Variants in MOSPD2 observed in about 807,000 individuals in gnomAD.
The protein encoded by MOSPD2 is motile sperm domain containing 2, also known as motile sperm domain-containing protein 2.
A neutral mutation model predicts 41.7 loss-of-function variants in MOSPD2; 5 were observed. The ratio of observed to expected loss-of-function variants is 0.12; its 90% CI spans 0.06 to 0.25. The LOEUF is 0.25. Ranked by LOEUF, MOSPD2 falls within the 10% of genes least tolerant of loss-of-function variation. MOSPD2 has a pLI of 1.00. For missense variants in MOSPD2, 282 were observed against 375.2 expected (o/e 0.75, Z 2.05); for synonymous variants, 115 against 126.9 (o/e 0.91, Z 0.63).
intron 5 of MOSPD2, among the ~76,000 whole-genome samples, chrX:14,899,133 T>TTTTTTTTTTTTTTTTTTTTTTTGA: frequency 9.5e-6 from 1 of 105,445 alleles, no homozygotes; most frequent in Non-Finnish European, 2.0e-5. Context: ...AAGTCTTTCA[T>TTTTTTTTTTTTTTTTTTTTTTTGA]GGGTCCTCAA....
chrX:14,913,057 A>G (rs970549689), intron 10 of MOSPD2, among the ~76,000 whole-genome samples: 1 of 112,143 alleles, frequency 8.9e-6, no homozygotes, highest in Non-Finnish European at 1.9e-5. Flanking sequence ...TGATAGTATT[A>G]GCTTGTTTAC....
Position 14,895,406 on chromosome X carries a change from T to G in MOSPD2, c.322+12T>G. ...AGGTAACAAATTGTGTAAGTATATT[T>G]AATTTATGTTCTGGCTTTTCAAGAT... On this transcript the variant is annotated intron_variant, in intron 4 of 14. Transcript: ENST00000380492. 1 of 946,521 alleles carries G rather than the reference T, an allele frequency of 1.1e-6. No individual in the cohort carries two copies. 78.0% of individuals were successfully genotyped at this position (946,521 alleles called of 1,213,427 possible).
rs748533928 is a variant in MOSPD2 at position 14,886,745 on chromosome X, C to T, written c.80-5978C>T. 3.9e-4 allele frequency among the ~76,000 whole-genome samples: 44 copies of T among 111,617 alleles called. No individual in the cohort carries two copies. In the East Asian group the frequency reaches 0.011, roughly 27 times the overall value. On this transcript the variant is annotated intron_variant, in intron 2 of 14. Coordinates refer to ENST00000380492, the MANE Select transcript of MOSPD2 (RefSeq NM_152581.4). ...GTATGTAGGAACTGGTTACAAATAC[C>T]AATTGTCAGATCCCACCCAGAATTA...
intron 2 of MOSPD2, among the ~76,000 whole-genome samples, chrX:14,889,381 T>TA (rs1342236716): frequency 8.9e-6 from 1 of 112,047 alleles, no homozygotes; most frequent in Non-Finnish European, 1.9e-5. Flanking sequence ...AAAGCACAAT[T>TA]ATTTATCACC....
At chrX:14,913,396 C>T (rs944894952) in intron 10 of MOSPD2, among the ~76,000 whole-genome samples, 1 of 111,621 alleles carries the variant, frequency 9.0e-6, no homozygotes, top group Non-Finnish European at 1.9e-5. Flanking sequence ...TCCTCCCTTC[C>T]TCCGCCCCCG....
At chrX:14,879,422 T>C (rs1051786195) in intron 2 of MOSPD2, among the ~76,000 whole-genome samples, 2 of 111,695 alleles carry the variant, frequency 1.8e-5, no homozygotes, top group African/African-American at 3.3e-5. Context: ...CTCACAAGCG[T>C]ATGGTGGCAT....
At chrX:14,876,930 AGGT>A (rs889933047) in intron 2 of MOSPD2, among the ~76,000 whole-genome samples, 12 of 112,402 alleles carry the variant, frequency 1.1e-4, no homozygotes, top group Non-Finnish European at 1.9e-4. Flanking sequence ...TTCATTAAAA[AGGT>A]GGTGTTTCTC....
At chrX:14,894,130 T>G (rs1320344927) in intron 3 of MOSPD2, among the ~76,000 whole-genome samples, 1 of 110,440 alleles carries the variant, frequency 9.1e-6, no homozygotes, top group Non-Finnish European at 1.9e-5. Context: ...TCTCTTTTCT[T>G]TCTTTCTTTA....
At position 14,920,183 on chromosome X, in the gene MOSPD2, A is replaced by C. The variant is rs2092607120; in HGVS notation, c.*374A>C. 22 of 756,357 alleles carry C rather than the reference A, an allele frequency of 2.9e-5. No homozygotes were observed. Among genetic ancestry groups the C allele is most frequent in the Non-Finnish European group, 3.4e-5 (22 of 640,225 alleles). 62.3% of individuals were successfully genotyped at this position (756,357 alleles called of 1,213,427 possible). ...GTAACATGCTTTGTTGCAGCCAAAA[A>C]ATGTAATCTGCTTTTTTATGACAGA... On this transcript the variant is annotated 3_prime_UTR_variant, in exon 15 of 15. Transcript: ENST00000380492.
At chrX:14,911,463 C>G (rs2092591636) in intron 9 of MOSPD2, 50 bp downstream of exon 9, 1 of 909,199 alleles carries the variant, frequency 1.1e-6, no homozygotes, top group South Asian at 2.6e-5. Flanking sequence ...GGTCTATCCC[C>G]AATTCTGACA....
At chrX:14,912,512 C>T (rs1157043419) in intron 10 of MOSPD2, 151 bp downstream of exon 10, 2 of 359,267 alleles carry the variant, frequency 5.6e-6, no homozygotes, top group Non-Finnish European at 9.6e-6. Flanking sequence ...GGTTTCCAGA[C>T]GTAGTGCATA....
intron 2 of MOSPD2, among the ~76,000 whole-genome samples, chrX:14,889,871 G>A (rs1438265785): frequency 9.0e-6 from 1 of 111,276 alleles, no homozygotes; most frequent in African/African-American, 3.3e-5. Flanking sequence ...TACTAGCAGT[G>A]GTGGTAAAAA....
chrX:14,914,742 C>G (rs900879187), intron 11 of MOSPD2, 143 bp downstream of exon 11: 14 of 397,072 alleles, frequency 3.5e-5, no homozygotes, highest in Non-Finnish European at 5.6e-5. Context: ...GTTGTACTAC[C>G]TTCTGGTTCT....
chrX:14,875,182 T>C (rs2092517717), intron 2 of MOSPD2, among the ~76,000 whole-genome samples: 1 of 112,405 alleles, frequency 8.9e-6, no homozygotes, highest in African/African-American at 3.2e-5. Context: ...AAATCCCTGA[T>C]GTTATTGGCT....
At chrX:14,912,136 C>A (rs2092592851) in intron 9 of MOSPD2, 113 bp from the exon 10 acceptor site, 5 of 377,884 alleles carry the variant, frequency 1.3e-5, no homozygotes, top group South Asian at 2.2e-4. Context: ...AAGGGAAGGA[C>A]CATATTGTAT....
At chrX:14,899,205 TAGG>T (rs1019151589) in intron 5 of MOSPD2, among the ~76,000 whole-genome samples, 2 of 107,915 alleles carry the variant, frequency 1.9e-5, no homozygotes, top group African/African-American at 6.6e-5. Flanking sequence ...TGCTGAGCAA[TAGG>T]GTTGATGGAG....
intron 14 of MOSPD2, among the ~76,000 whole-genome samples, chrX:14,919,208 T>TA (rs2092605226): frequency 9.0e-6 from 1 of 111,327 alleles, no homozygotes; most frequent in Admixed American, 9.5e-5. Context: ...CATTTCTCAA[T>TA]AAAAAAAGAA....
At chrX:14,917,708 A>G in intron 13 of MOSPD2, among the ~76,000 whole-genome samples, 1 of 111,888 alleles carries the variant, frequency 8.9e-6, no homozygotes, top group African/African-American at 3.2e-5. Flanking sequence ...GGGAAACCTG[A>G]TAATGGCTAT....
intron 6 of MOSPD2, among the ~76,000 whole-genome samples, chrX:14,901,066 T>C (rs2092572291): frequency 8.9e-6 from 1 of 112,171 alleles, no homozygotes; most frequent in Admixed American, 9.5e-5. Context: ...AATATTGATA[T>C]ATAAAGTACA....
Sources: gnomAD v4.1 joint callset for allele counts (sites outside exome capture counted in the v4.1 genomes callset) on GRCh38, gnomAD v4.1.1 for gene constraint, MANE v1.5 for transcripts, NCBI Gene and HGNC (gene_info 2026-07-23, HGNC 2026-07-21) for gene names.